Variants in SMIM22 observed in about 807,000 individuals in gnomAD.
SMIM22 encodes the protein cancer associated small integral membrane open reading frame 1.
A neutral mutation model predicts 8.4 loss-of-function variants in SMIM22; 16 were observed. The observed-to-expected ratio is 1.90, with a 90% CI of 1.29 to 2.89. The LOEUF is 2.89. SMIM22 is among the 30% of genes most tolerant of loss of function. SMIM22 has a pLI of 0.00. For missense variants in SMIM22, 159 were observed against 107.5 expected, an observed-to-expected ratio of 1.48 and a Z score of -2.12; for synonymous variants, 67 against 47.6, an observed-to-expected ratio of 1.41 and a Z score of -1.68.
upstream of SMIM22, among the ~76,000 whole-genome samples, chr16:4,792,402 G>C (rs555462777): frequency 1.3e-5 from 2 of 150,476 alleles, no homozygotes; most frequent in Non-Finnish European, 3.0e-5. Flanking sequence ...GTGTTAGCCA[G>C]GATGGTCTCG....
chr16:4,792,434 C>T (rs1349986244), upstream of SMIM22, among the ~76,000 whole-genome samples: 1 of 150,530 alleles, frequency 6.6e-6, no homozygotes, highest in African/African-American at 2.4e-5. Context: ...TCGTGATCTG[C>T]CCCCCTCGGC....
At chr16:4,796,142 AG>A (rs1240440718) in intron 3 of SMIM22, 47 bp from the exon 4 acceptor site, 1 of 1,535,850 alleles carries the variant, frequency 6.5e-7, no homozygotes, top group Non-Finnish European at 8.7e-7. Flanking sequence ...TCATCCCCCT[AG>A]GGAACAACGA....
chr16:4,792,459 G>C (rs1373820003), upstream of SMIM22, among the ~76,000 whole-genome samples: 11 of 150,318 alleles, frequency 7.3e-5, no homozygotes, highest in Non-Finnish European at 5.9e-5. Flanking sequence ...CAAAGTGCTG[G>C]GATTACAGGC....
chr16:4,795,709 G>A lies in SMIM22; in HGVS notation c.-20-6G>A, dbSNP rs1431376054. 6.5e-7 allele frequency: 1 copy of A among 1,534,204 alleles called. No individual in the cohort carries two copies. The highest frequency in any genetic ancestry group is 8.7e-7 in the Non-Finnish European group (1 of 1,146,274). On this transcript the variant is annotated splice_polypyrimidine_tract_variant and splice_region_variant and intron_variant, in intron 1 of 3. Coordinates refer to ENST00000586005, the MANE Select transcript of SMIM22 (RefSeq NM_001253794.2). ...TCCTGATGCAGCCTCTGGGGGACCG[G>A]GGCAGGTGGCACGGTGCACGCCAAG...
At position 4,796,269 on chromosome 16, in the gene SMIM22, C is replaced by G. The variant is rs1318550704; in HGVS notation, c.*38C>G. 2.6e-6 allele frequency: 4 copies of G among 1,533,920 alleles called. No individual in the cohort carries two copies. In the Admixed American group the frequency reaches 7.9e-5, roughly 30 times the overall value. On this transcript the variant is annotated 3_prime_UTR_variant, in exon 4 of 4. Transcript: ENST00000586005. ...TGCCCGGTGGCAGTAACAAAGCCTT[C>G]TGTCTGCCCAGAGCCTGAGTCTGCA...
upstream of SMIM22, among the ~76,000 whole-genome samples, chr16:4,792,576 C>T (rs749505495): frequency 1.5e-4 from 23 of 149,766 alleles, no homozygotes; most frequent in East Asian, 8.2e-4. Context: ...CTGAGGGGGG[C>T]GGATTGCTAG....
chr16:4,795,449 G>C lies in SMIM22; in HGVS notation c.-21G>C, dbSNP rs2082619553. 1.5e-5 allele frequency: 7 copies of C among 461,466 alleles called. No homozygotes were observed. Among genetic ancestry groups the C allele is most frequent in the South Asian group, 9.4e-5 (4 of 42,450 alleles). 28.6% of individuals were successfully genotyped at this position (461,466 alleles called of 1,614,324 possible). On this transcript the variant is annotated splice_region_variant and 5_prime_UTR_variant, in exon 1 of 4. Coordinates refer to ENST00000586005, the MANE Select transcript of SMIM22 (RefSeq NM_001253794.2). Reference sequence around the variant, plus strand: ...TTGGGGGAATTGGAGGCTTCTAGGAGGTAGGTGGGGGCCTGGGGGCTGGGC... The same window carrying C: ...TTGGGGGAATTGGAGGCTTCTAGGACGTAGGTGGGGGCCTGGGGGCTGGGC...
At position 4,795,710 on chromosome 16, in the gene SMIM22, G is replaced by A. The variant is rs1416225569; in HGVS notation, c.-20-5G>A. 5.9e-6 allele frequency: 9 copies of A among 1,534,380 alleles called. No individual in the cohort carries two copies. In the South Asian group the frequency reaches 8.3e-5, roughly 14 times the overall value. On this transcript the variant is annotated splice_polypyrimidine_tract_variant and splice_region_variant and intron_variant, in intron 1 of 3. Coordinates refer to ENST00000586005, the MANE Select transcript of SMIM22 (RefSeq NM_001253794.2). ...CCTGATGCAGCCTCTGGGGGACCGGGGCAGGTGGCACGGTGCACGCCAAGA... is the reference window on the plus strand; with the variant it reads ...CCTGATGCAGCCTCTGGGGGACCGGAGCAGGTGGCACGGTGCACGCCAAGA...
chr16:4,795,682 G>A (rs1385583114), intron 1 of SMIM22, 33 bp from the exon 2 acceptor site: 15 of 1,528,240 alleles, frequency 9.8e-6, no homozygotes, highest in African/African-American at 1.4e-5. Flanking sequence ...CTGAGCCCAG[G>A]ATCCTGATGC....
chr16:4,791,515 A>C (rs1022676274), upstream of SMIM22, among the ~76,000 whole-genome samples: 4 of 152,044 alleles, frequency 2.6e-5, no homozygotes, highest in Non-Finnish European at 5.9e-5. Flanking sequence ...TTTACAGATG[A>C]GTATACTGAG....
At chr16:4,793,489 T>C (rs946129340), upstream of SMIM22, among the ~76,000 whole-genome samples, 1 of 152,158 alleles carries the variant, frequency 6.6e-6, no homozygotes, top group Non-Finnish European at 1.5e-5. Context: ...CACTTTAGGA[T>C]TGCTATGAGG....
chr16:4,795,596 G>C, intron 1 of SMIM22, 119 bp from the exon 2 acceptor site: 1 of 1,238,354 alleles, frequency 8.1e-7, no homozygotes, highest in Non-Finnish European at 1.1e-6. Context: ...GAGTGGGAGG[G>C]GGTGGGGAAG....
In SMIM22 at chr16:4,796,080, G is replaced by C. The variant is rs1467376902; in HGVS notation, c.225+32G>C. 3.3e-6 allele frequency: 5 copies of C among 1,534,998 alleles called. No individual in the cohort carries two copies. In the South Asian group the frequency reaches 4.8e-5, roughly 15 times the overall value. ...CCTGCCGGCCTCTGGGACCTGCACG[G>C]AACTGTACTGGGGGTGGAGGCGGAA... is the stretch of plus-strand genomic sequence containing the variant. On this transcript the variant is annotated intron_variant, in intron 3 of 3. Transcript: ENST00000586005.
intron 1 of SMIM22, 73 bp from the exon 2 acceptor site, chr16:4,795,642 G>A (rs951791268): frequency 1.3e-6 from 2 of 1,481,562 alleles, no homozygotes; most frequent in Admixed American, 2.2e-5. Context: ...TGGCTGGGCT[G>A]TGGGAAGCCT....
upstream of SMIM22, among the ~76,000 whole-genome samples, chr16:4,792,751 G>T (rs866673836): frequency 5.0e-4 from 72 of 145,320 alleles, 1 homozygote; most frequent in Middle Eastern, 3.8e-3. Context: ...GCAGTGAGCC[G>T]ACATCGTGCC....
upstream of SMIM22, among the ~76,000 whole-genome samples, chr16:4,794,481 C>T (rs1350374397): frequency 3.3e-5 from 5 of 150,312 alleles, no homozygotes; most frequent in African/African-American, 9.8e-5. Flanking sequence ...AGTGCAATGG[C>T]GTGATCTCGG....
At chr16:4,788,800 A>G (rs1312701793) in intron 2 of SMIM22, 1 of 152,234 alleles carries the variant, frequency 6.6e-6, no homozygotes, top group Non-Finnish European at 1.5e-5. Flanking sequence ...CCAAGCTGAT[A>G]GATAAGAGAG....
At chr16:4,795,009 A>C (rs1161978475), upstream of SMIM22, 1 of 152,412 alleles carries the variant, frequency 6.6e-6, no homozygotes, top group Non-Finnish European at 1.5e-5. Flanking sequence ...CCAATCGTTG[A>C]GGATTCCAAG....
upstream of SMIM22, among the ~76,000 whole-genome samples, chr16:4,792,437 C>G (rs961539279): frequency 6.3e-4 from 94 of 149,370 alleles, 2 homozygotes; most frequent in Non-Finnish European, 1.2e-4. Context: ...TGATCTGCCC[C>G]CCTCGGCCTC....
Sources: gnomAD v4.1 joint callset for allele counts (sites outside exome capture counted in the v4.1 genomes callset) on GRCh38, gnomAD v4.1.1 for gene constraint, MANE v1.5 for transcripts, NCBI Gene and HGNC (gene_info 2026-07-23, HGNC 2026-07-21) for gene names.